AZI2: variants seen among roughly 807,000 people sequenced by gnomAD.
The protein encoded by AZI2 is 5-azacytidine induced 2, also known as 5-azacytidine-induced protein 2.
Under a neutral mutation model 45.8 loss-of-function variants are expected in AZI2, and 22 were observed. That is an observed-to-expected ratio of 0.48 (90% CI 0.34 to 0.69). The LOEUF (loss-of-function observed/expected upper bound fraction) is 0.69. Ranked by LOEUF, AZI2 falls within the 30% of genes least tolerant of loss-of-function variation. AZI2 has a pLI of 0.01. For synonymous variants in AZI2, 137 were observed against 156.7 expected (o/e 0.87, Z 0.94); for missense variants, 417 against 441.5 (o/e 0.94, Z 0.50).
intron 5 of AZI2, among the ~76,000 whole-genome samples, chr3:28,333,655 G>A (rs1179473435): frequency 6.6e-6 from 1 of 151,436 alleles, no homozygotes; most frequent in African/African-American, 2.4e-5. Flanking sequence ...AGACTCTAAT[G>A]TACATCAGCA....
At chr3:28,342,069 T>C (rs532212152) in intron 1 of AZI2, among the ~76,000 whole-genome samples, 1 of 152,248 alleles carries the variant, frequency 6.6e-6, no homozygotes, top group South Asian at 2.1e-4. Flanking sequence ...TTAACATTTC[T>C]TTTGCCTTAT....
rs780156964 is a variant in AZI2, at chr3:28,338,983, CT to C, written c.217-369del. On this transcript the variant is annotated intron_variant, in intron 2 of 7. Transcript: ENST00000479665. ...AAGCAGCACCTTAGGGCATACTTGA[CT>C]TTTTTTTTTTTTCGAGACTGAGTTT... 9.3e-4 allele frequency among the ~76,000 whole-genome samples: 134 copies of C among 143,346 alleles called. 1 individual carries two copies. The highest frequency in any genetic ancestry group is 1.9e-3 in the African/African-American group (76 of 39,462). 94.0% of individuals were successfully genotyped at this position (143,346 alleles called of 152,430 possible).
In AZI2 at chr3:28,323,281, C is replaced by T. The variant is rs903790242; in HGVS notation, c.*761G>A. The T allele has an allele frequency of 6.6e-6, 1 of 151,126 alleles. No homozygotes were observed. The allele number at this position is 151,126 out of a possible 1,614,324, so 9.4% of individuals were successfully genotyped here. A position where few individuals can be genotyped will look rare whatever the true frequency, so the allele number is the denominator to read the frequency against. On this transcript the variant is annotated 3_prime_UTR_variant, in exon 8 of 8. Coordinates refer to ENST00000479665, the MANE Select transcript of AZI2 (RefSeq NM_022461.5). ...ATTAGACTGAAATCTGTGTGATGCT[C>T]CTTCTACTACTTATTGAATAGTGTG...
chr3:28,336,730 G>T lies in AZI2; in HGVS notation c.588+7C>A, dbSNP rs759384904. On this transcript the variant is annotated splice_region_variant and intron_variant, in intron 5 of 7. Coordinates refer to ENST00000479665, the MANE Select transcript of AZI2 (RefSeq NM_022461.5). Reference sequence around the variant, plus strand: ...CTGAAATTCTCAATTTAATAATTCTGTAATACCGTTTGTTTGGCTTTCTGT... The same window carrying T: ...CTGAAATTCTCAATTTAATAATTCTTTAATACCGTTTGTTTGGCTTTCTGT... The T allele has an allele frequency of 8.7e-6, 14 of 1,610,636 alleles. No homozygotes were observed. The highest frequency in any genetic ancestry group is 1.2e-5 in the Non-Finnish European group (14 of 1,177,964).
chr3:28,345,235 G>A (rs1704177736), intron 1 of AZI2, among the ~76,000 whole-genome samples: 1 of 152,150 alleles, frequency 6.6e-6, no homozygotes, highest in Non-Finnish European at 1.5e-5. Flanking sequence ...TCATCAGAAA[G>A]AACAAAGCCA....
intron 3 of AZI2, 141 bp from the exon 4 acceptor site, chr3:28,338,177 GTC>G: frequency 2.0e-6 from 1 of 497,598 alleles, no homozygotes. Flanking sequence ...TCTCAGAAAT[GTC>G]TTTTTTTCTT....
intron 1 of AZI2, among the ~76,000 whole-genome samples, chr3:28,346,336 A>G (rs1227476428): frequency 2.6e-5 from 4 of 152,124 alleles, no homozygotes; most frequent in Non-Finnish European, 4.4e-5. Flanking sequence ...CCACCTTACT[A>G]AACTGTGAAG....
chr3:28,337,566 T>A (rs1178711782), intron 4 of AZI2, among the ~76,000 whole-genome samples: 1 of 152,134 alleles, frequency 6.6e-6, no homozygotes, highest in African/African-American at 2.4e-5. Context: ...TTGTAACAAC[T>A]TCACAGCAGT....
intron 1 of AZI2, among the ~76,000 whole-genome samples, chr3:28,346,102 G>T (rs1263345912): frequency 6.6e-6 from 1 of 152,104 alleles, no homozygotes; most frequent in Non-Finnish European, 1.5e-5. Flanking sequence ...GAAGTCTATG[G>T]TCTTAATACA....
rs1559453018 is a variant in AZI2, at chr3:28,321,391, T to C, written c.*2651A>G. On this transcript the variant is annotated 3_prime_UTR_variant, in exon 8 of 8. Transcript: ENST00000479665. ...ACTTCATGTAGAAAATTCACTTATG[T>C]ACATGTTGCTTTCCCCATAGAAGCC... 6.6e-6 allele frequency: 1 copy of C among 151,486 alleles called. No homozygotes were observed. The highest frequency in any genetic ancestry group is 6.6e-5 in the Admixed American group (1 of 15,146). 9.4% of individuals were successfully genotyped at this position (151,486 alleles called of 1,614,324 possible).
At chr3:28,336,935 C>G in intron 4 of AZI2, 50 bp from the exon 5 acceptor site, 1 of 1,562,940 alleles carries the variant, frequency 6.4e-7, no homozygotes, top group Admixed American at 1.8e-5. Flanking sequence ...TCTACATTGA[C>G]TGCAATTCTT....
Position 28,340,536 on chromosome 3 carries a change from T to C in AZI2, c.82A>G (p.Ile28Val), listed in dbSNP as rs139741514. The change falls in exon 2 of 8, where the codon ATA (isoleucine) becomes GTA (valine). Residue 28 changes from isoleucine to valine, a missense_variant. By Grantham distance (29) the Ile-to-Val change is conservative. Transcript: ENST00000479665. ...HKRDTVTPVS[I>V]YSGDESVASH... ...GCAACAGATTCATCTCCTGAATATA[T>C]TGAAACTGGAGTCACTGTATCTCTC... is the stretch of plus-strand genomic sequence containing the variant. The C allele has an allele frequency of 4.2e-5, 67 of 1,613,078 alleles. No individual in the cohort carries two copies. The African/African-American group carries it at 6.7e-4, about 16-fold the overall frequency.
intron 6 of AZI2, chr3:28,331,550 G>T: frequency 2.4e-6 from 2 of 842,620 alleles, no homozygotes; most frequent in Non-Finnish European, 2.9e-6. Flanking sequence ...TAGAAGAGTG[G>T]CTGTATCTCA....
Position 28,324,211 on chromosome 3 carries a change from C to T in AZI2, c.1010G>A (p.Ser337Asn). The T allele has an allele frequency of 6.2e-7, 1 of 1,610,604 alleles. No homozygotes were observed. The highest frequency in any genetic ancestry group is 1.1e-5 in the South Asian group (1 of 90,982). Residue 337 changes from serine (S) to asparagine (N), a missense_variant, in exon 8 of 8, where the codon AGT becomes AAT. Coordinates refer to ENST00000479665, the MANE Select transcript of AZI2 (RefSeq NM_022461.5). The part of the protein sequence containing the change: ...PNDGTCFQEH[S>N]SYGRNSLEDN... ...TTCCAGAGAATTTCTGCCATAAGAA[C>T]TGTGTTCCTGAAAGCATGTACCATC...
intron 6 of AZI2, among the ~76,000 whole-genome samples, chr3:28,330,087 G>A (rs1703519215): frequency 1.3e-5 from 2 of 151,174 alleles, no homozygotes; most frequent in African/African-American, 2.4e-5. Context: ...TACAGATGAT[G>A]AGCAAAAGAA....
rs185027308 is a variant in AZI2 at position 28,322,716 on chromosome 3, C to G, written c.*1326G>C. The G allele has an allele frequency of 5.3e-5, 8 of 151,454 alleles. No individual in the cohort carries two copies. In the Admixed American group the frequency reaches 5.3e-4, roughly 10 times the overall value. The allele number at this position is 151,454 out of a possible 1,614,324, so 9.4% of individuals were successfully genotyped here. ...TCAGAATAAATTCCAGCATCTGACA[C>G]CAATTCCATTAATCACAGACAAGCT... On this transcript the variant is annotated 3_prime_UTR_variant, in exon 8 of 8. Coordinates refer to ENST00000479665, the MANE Select transcript of AZI2 (RefSeq NM_022461.5).
intron 5 of AZI2, among the ~76,000 whole-genome samples, chr3:28,333,412 G>A (rs7639746): frequency 0.015 from 2,222 of 151,734 alleles, 53 homozygotes; most frequent in African/African-American, 0.05. Flanking sequence ...GACCACTAAC[G>A]AGACACATGT....
rs757277376 is a variant in AZI2 at position 28,324,459 on chromosome 3, A to G, written c.767-5T>C. 6.2e-6 allele frequency: 9 copies of G among 1,459,300 alleles called. No homozygotes were observed. In the African/African-American group the frequency reaches 1.3e-4, roughly 21 times the overall value. 90.4% of individuals were successfully genotyped at this position (1,459,300 alleles called of 1,614,324 possible). A position where few individuals can be genotyped will look rare whatever the true frequency, so the allele number is the denominator to read the frequency against. On this transcript the variant is annotated splice_region_variant and splice_polypyrimidine_tract_variant and intron_variant, in intron 7 of 7. Coordinates refer to ENST00000479665, the MANE Select transcript of AZI2 (RefSeq NM_022461.5). ...TGCATCCTACAGGGGCACAGGCTAA[A>G]AAGAAAACACAGACTAAATGTCAGT...
intron 3 of AZI2, 122 bp downstream of exon 3, chr3:28,338,371 G>T: frequency 9.1e-7 from 1 of 1,100,562 alleles, no homozygotes; most frequent in Non-Finnish European, 1.2e-6. Context: ...ATTTTGCCTT[G>T]AACATGTATA....
Sources: allele counts gnomAD v4.1 joint callset (sites outside exome capture counted in the v4.1 genomes callset), GRCh38; gene constraint gnomAD v4.1.1; transcripts MANE v1.5; gene names NCBI Gene and HGNC (gene_info 2026-07-23, HGNC 2026-07-21).